The following PROK1 variants were observed in gnomAD, a reference collection of about 807,000 sequenced individuals.
PROK1 encodes prokineticin 1, also known as prokineticin-1.
A neutral mutation model predicts 8.8 loss-of-function variants in PROK1; 10 were observed. That is an observed-to-expected ratio of 1.13 (90% CI 0.70 to 1.92). The LOEUF is 1.92. Among genes scored for constraint, PROK1 ranks in the 30% most tolerant of loss-of-function variants. The pLI is 0.00. For synonymous variants in PROK1, 57 were observed against 56.0 expected, an observed-to-expected ratio of 1.02 and a Z score of -0.08; for missense variants, 140 against 139.7, an observed-to-expected ratio of 1.00 and a Z score of -0.01.
intron 1 of PROK1, among the ~76,000 whole-genome samples, chr1:110,453,579 A>T (rs1458156484): frequency 6.6e-6 from 1 of 152,210 alleles, no homozygotes; most frequent in Non-Finnish European, 1.5e-5. Flanking sequence ...AATTTGGGCC[A>T]TCAGGGTCCC....
rs116003812 is a variant in PROK1 at position 110,453,546 on chromosome 1, C to T, written c.73-415C>T. ...AGGGCTGGAGACTCCTGGTCCAAGG[C>T]AGCTCAGTACTGACCACCAAGGAAT... On this transcript the variant is annotated intron_variant, in intron 1 of 2. Coordinates refer to ENST00000271331, the MANE Select transcript of PROK1 (RefSeq NM_032414.3). 8.5e-3 allele frequency among the ~76,000 whole-genome samples: 1,298 copies of T among 152,324 alleles called. 29 individuals are homozygous for T. Among genetic ancestry groups the T allele is most frequent in the African/African-American group, 0.03 (1,236 of 41,564 alleles).
Position 110,454,094 on chromosome 1 carries a change from G to A in PROK1, c.198+8G>A. 1.2e-6 allele frequency: 2 copies of A among 1,613,162 alleles called. No homozygotes were observed. Among genetic ancestry groups the A allele is most frequent in the Non-Finnish European group, 1.7e-6 (2 of 1,179,868 alleles). On this transcript the variant is annotated splice_region_variant and intron_variant, in intron 2 of 2. Coordinates refer to ENST00000271331, the MANE Select transcript of PROK1 (RefSeq NM_032414.3). The stretch of plus-strand genomic sequence containing the variant: ...CACCCCGGCAGCCACAAGGTACTCT[G>A]CAGACACTGCATAGGTGCACATATG...
Position 110,456,501 on chromosome 1 carries a change from G to T in PROK1, c.*150G>T. The T allele has an allele frequency of 3.2e-6, 3 of 950,028 alleles. 1 individual carries two copies. The South Asian group carries it at 4.1e-5, about 13-fold the overall frequency. The allele number at this position is 950,028 out of a possible 1,614,324, so 58.8% of individuals were successfully genotyped here. On this transcript the variant is annotated 3_prime_UTR_variant, in exon 3 of 3. Transcript: ENST00000271331. ...TGTCTAGTACGCACATATGCACACA[G>T]GCAGACATACCTCCCATCATGACAT...
Position 110,456,301 on chromosome 1 carries a change from C to A in PROK1, c.268C>A (p.Pro90Thr), listed in dbSNP as rs1410249556. The part of the protein sequence containing the change: ...CLPNLLCSRF[P>T]DGRYRCSMDL... The stretch of plus-strand genomic sequence containing the variant: ...GCCCAACCTGCTGTGCTCCAGGTTC[C>A]CGGACGGCAGGTACCGCTGCTCCAT... Residue 90 changes from proline to threonine, a missense_variant, in exon 3 of 3, where the codon CCG becomes ACG. Transcript: ENST00000271331. 2.5e-6 allele frequency: 4 copies of A among 1,613,990 alleles called. No individual in the cohort carries two copies. The African/African-American group carries it at 5.3e-5, about 22-fold the overall frequency.
chr1:110,451,226 G>A lies in PROK1; in HGVS notation c.10G>A (p.Ala4Thr), dbSNP rs1481578008. The A allele has an allele frequency of 1.9e-6, 3 of 1,614,158 alleles. No individual in the cohort carries two copies. The highest frequency in any genetic ancestry group is 1.6e-4 in the Middle Eastern group (1 of 6,062). Reference sequence around the variant, plus strand: ...TTCACCCCAAGTGACCATGAGAGGTGCCACGCGAGTCTCAATCATGCTCCT... The same window carrying A: ...TTCACCCCAAGTGACCATGAGAGGTACCACGCGAGTCTCAATCATGCTCCT... MRG[A>T]TRVSIMLLLV... is the part of the protein sequence containing the mutation. Residue 4 changes from alanine to threonine, a missense_variant, in exon 1 of 3, where the codon GCC (alanine) becomes ACC (threonine). Transcript: ENST00000271331.
At chr1:110,455,847 C>G (rs1370007380) in intron 2 of PROK1, among the ~76,000 whole-genome samples, 1 of 152,182 alleles carries the variant, frequency 6.6e-6, no homozygotes, top group Non-Finnish European at 1.5e-5. Flanking sequence ...GAGATGGTGG[C>G]TGTCCTATTC....
At position 110,457,261 on chromosome 1, in the gene PROK1, G is replaced by T; in HGVS notation, c.*910G>T. On this transcript the variant is annotated 3_prime_UTR_variant, in exon 3 of 3. Coordinates refer to ENST00000271331, the MANE Select transcript of PROK1 (RefSeq NM_032414.3). ...CAGATTGGGGTGGGAGCAAGGGACA[G>T]GGAGCAGGGCAGGGGCTGAAAGGGG... 1 of 152,736 alleles carries T rather than the reference G, an allele frequency of 6.5e-6. No homozygotes were observed. 9.5% of individuals were successfully genotyped at this position (152,736 alleles called of 1,614,324 possible).
chr1:110,454,997 G>C (rs1664149646), intron 2 of PROK1, among the ~76,000 whole-genome samples: 1 of 152,122 alleles, frequency 6.6e-6, no homozygotes, highest in African/African-American at 2.4e-5. Context: ...TTGACCTCCA[G>C]CTCCCAGTCC....
intron 1 of PROK1, among the ~76,000 whole-genome samples, chr1:110,452,653 G>T (rs1664106237): frequency 6.6e-6 from 1 of 152,332 alleles, no homozygotes; most frequent in East Asian, 1.9e-4. Context: ...ACCCAGGAAA[G>T]ACAGGTGAGT....
Position 110,456,593 on chromosome 1 carries a change from C to T in PROK1, c.*242C>T, listed in dbSNP as rs560457377. 366 of 548,370 alleles carry T rather than the reference C, an allele frequency of 6.7e-4. 7 individuals are homozygous for T. In the South Asian group the frequency reaches 6.9e-3, roughly 10 times the overall value. The allele number at this position is 548,370 out of a possible 1,614,324, so 34.0% of individuals were successfully genotyped here. A position where few individuals can be genotyped will look rare whatever the true frequency, so the allele number is the denominator to read the frequency against. On this transcript the variant is annotated 3_prime_UTR_variant, in exon 3 of 3. Transcript: ENST00000271331. ...GGTGTGAAAGGTGGCCAGCCTGGTTCTCTTCCCTGCTCAGGCTGCCAGAGA... is the reference window on the plus strand; with the variant it reads ...GGTGTGAAAGGTGGCCAGCCTGGTTTTCTTCCCTGCTCAGGCTGCCAGAGA...
chr1:110,453,474 G>A (rs1914955), intron 1 of PROK1, among the ~76,000 whole-genome samples: 24,340 of 152,136 alleles, frequency 0.16, 2,359 homozygotes, highest in South Asian at 0.23. Context: ...GGGCCAGGAT[G>A]GGGGTGCCTC....
intron 1 of PROK1, 49 bp downstream of exon 1, chr1:110,451,337 G>A: frequency 6.5e-7 from 1 of 1,531,782 alleles, no homozygotes; most frequent in Non-Finnish European, 9.0e-7. Flanking sequence ...AAGATGTCAG[G>A]GTCTGCACGG....
At chr1:110,454,231 G>C (rs2101149983) in intron 2 of PROK1, 145 bp downstream of exon 2, 1 of 1,060,982 alleles carries the variant, frequency 9.4e-7, no homozygotes, top group Non-Finnish European at 1.3e-6. Flanking sequence ...GGCTCCAGAG[G>C]ACTTCACCCT....
rs2101149834 is a variant in PROK1 at position 110,454,106 on chromosome 1, TA to T, written c.198+21del. ...CACAAGGTACTCTGCAGACACTGCA[TA>T]GGTGCACATATGTGGGTGGGCCATG... On this transcript the variant is annotated intron_variant, in intron 2 of 2. Coordinates refer to ENST00000271331, the MANE Select transcript of PROK1 (RefSeq NM_032414.3). The T allele has an allele frequency of 6.2e-7, 1 of 1,611,986 alleles. No individual in the cohort carries two copies. The highest frequency in any genetic ancestry group is 1.3e-5 in the African/African-American group (1 of 75,020).
In PROK1 at chr1:110,453,953, T is replaced by C; in HGVS notation, c.73-8T>C. ...AATGAACTGTTCCCTTCTCTCTCCCTCCTACAGGCCTGTGAGCGGGATGTC... is the reference window on the plus strand; with the variant it reads ...AATGAACTGTTCCCTTCTCTCTCCCCCCTACAGGCCTGTGAGCGGGATGTC... On this transcript the variant is annotated splice_polypyrimidine_tract_variant and splice_region_variant and intron_variant, in intron 1 of 2. Coordinates refer to ENST00000271331, the MANE Select transcript of PROK1 (RefSeq NM_032414.3). 6.2e-7 allele frequency: 1 copy of C among 1,614,172 alleles called. No homozygotes were observed. Among genetic ancestry groups the C allele is most frequent in the East Asian group, 2.2e-5 (1 of 44,886 alleles).
At position 110,456,638 on chromosome 1, in the gene PROK1, G is replaced by A. The variant is rs920829372; in HGVS notation, c.*287G>A. On this transcript the variant is annotated 3_prime_UTR_variant, in exon 3 of 3. Transcript: ENST00000271331. ...CAGAGAGGTGGTAAATGGCAGAAAG[G>A]ACATTCCCCCTCCCCTCCCCAGGTG... 1 of 452,044 alleles carries A rather than the reference G, an allele frequency of 2.2e-6. No homozygotes were observed. The highest frequency in any genetic ancestry group is 4.1e-6 in the Non-Finnish European group (1 of 243,374). 28.0% of individuals were successfully genotyped at this position (452,044 alleles called of 1,614,324 possible). A position where few individuals can be genotyped will look rare whatever the true frequency, so the allele number is the denominator to read the frequency against.
intron 2 of PROK1, among the ~76,000 whole-genome samples, chr1:110,455,272 C>T (rs7534330): frequency 0.026 from 3,910 of 152,326 alleles, 171 homozygotes; most frequent in African/African-American, 0.089. Context: ...TTCCTGAACA[C>T]AGGCTTTCAG....
chr1:110,453,873 C>T (rs775993964), intron 1 of PROK1, 88 bp from the exon 2 acceptor site: 49 of 1,571,148 alleles, frequency 3.1e-5, no homozygotes, highest in Non-Finnish European at 4.2e-5. Context: ...CTTGCTCCAT[C>T]CTGATAAGGG....
chr1:110,453,764 C>T (rs574050357), intron 1 of PROK1, among the ~76,000 whole-genome samples, 197 bp from the exon 2 acceptor site: 1 of 152,220 alleles, frequency 6.6e-6, no homozygotes, highest in Admixed American at 6.5e-5. Context: ...TCCAATGCCC[C>T]CCTGAGCCCT....
Sources: gnomAD v4.1 joint callset for allele counts (sites outside exome capture counted in the v4.1 genomes callset) on GRCh38, gnomAD v4.1.1 for gene constraint, MANE v1.5 for transcripts, NCBI Gene and HGNC (gene_info 2026-07-23, HGNC 2026-07-21) for gene names.